VSIR: variants seen among roughly 807,000 people sequenced by gnomAD.
The protein encoded by VSIR is V-set immunoregulatory receptor, also known as V-type immunoglobulin domain-containing suppressor of T-cell activation.
Under a neutral mutation model 31.0 loss-of-function variants are expected in VSIR, and 10 were observed. The observed-to-expected ratio is 0.32, with a 90% CI of 0.20 to 0.55. VSIR has a LOEUF of 0.55. Among genes scored for constraint, VSIR ranks in the 20% least tolerant of loss-of-function variants. VSIR has a pLI of 0.93. For synonymous variants in VSIR, 179 were observed against 180.1 expected, an observed-to-expected ratio of 0.99 and a Z score of 0.05; for missense variants, 356 against 416.2, an observed-to-expected ratio of 0.86 and a Z score of 1.26.
intron 3 of VSIR, 114 bp downstream of exon 3, chr10:71,760,753 CG>C (rs903851627): frequency 1.2e-5 from 11 of 927,328 alleles, no homozygotes; most frequent in East Asian, 2.4e-5. Context: ...GGAGGAGGAC[CG>C]GGGGGTTCTG....
Position 71,755,443 on chromosome 10 carries a change from T to C in VSIR, c.592A>G (p.Thr198Ala), listed in dbSNP as rs1466694118. Residue 198 changes from threonine to alanine, a missense_variant, in exon 4 of 7, where the codon ACG becomes GCG. Transcript: ENST00000394957. ...AGGATTCCTACGATGCAGGCACCCGTAGCCAGGGCTGCAGCCGTGATGTCT... is the reference window on the plus strand; with the variant it reads ...AGGATTCCTACGATGCAGGCACCCGCAGCCAGGGCTGCAGCCGTGATGTCT... ...SENITAAALA[T>A]GACIVGILCL... is the part of the protein sequence containing the mutation. 6.2e-7 allele frequency: 1 copy of C among 1,612,878 alleles called. No individual in the cohort carries two copies. The highest frequency in any genetic ancestry group is 1.3e-5 in the African/African-American group (1 of 75,018).
At chr10:71,765,980 G>A (rs1564783569) in intron 1 of VSIR, among the ~76,000 whole-genome samples, 1 of 152,108 alleles carries the variant, frequency 6.6e-6, no homozygotes, top group Non-Finnish European at 1.5e-5. Context: ...CTGGGACAAG[G>A]CCCACAGCAG....
rs750256328 is a variant in VSIR, at chr10:71,761,820, G to GGTCCTGGAACGT, written c.277_288dup (p.Thr93_Asp96dup). On this transcript the variant is annotated inframe_insertion, in exon 2 of 7. Coordinates refer to ENST00000394957, the MANE Select transcript of VSIR (RefSeq NM_022153.2). ...TGGTGGCCTCCATGGTGCAGGTGAA[G>GGTCCTGGAACGT]GTCCTGGAACGTGAGGTTGCGGATG... 3.3e-5 allele frequency: 53 copies of GGTCCTGGAACGT among 1,614,046 alleles called. No homozygotes were observed. The highest frequency in any genetic ancestry group is 1.0e-4 in the Admixed American group (6 of 60,010).
rs1839888335 is a variant in VSIR, at chr10:71,747,792, A to T, written c.*3461T>A. ...TCCCTCTCCCGTGCCCAAGGCAGACATGGCTATCTATCTCGGCACTGTCTC... is the reference window on the plus strand; with the variant it reads ...TCCCTCTCCCGTGCCCAAGGCAGACTTGGCTATCTATCTCGGCACTGTCTC... On this transcript the variant is annotated 3_prime_UTR_variant, in exon 7 of 7. Coordinates refer to ENST00000394957, the MANE Select transcript of VSIR (RefSeq NM_022153.2). The T allele has an allele frequency of 6.6e-6, 1 of 152,292 alleles. No homozygotes were observed. Among genetic ancestry groups the T allele is most frequent in the African/African-American group, 2.4e-5 (1 of 41,474 alleles). 9.4% of individuals were successfully genotyped at this position (152,292 alleles called of 1,614,324 possible).
intron 1 of VSIR, among the ~76,000 whole-genome samples, chr10:71,767,955 C>T (rs556853163): frequency 1.3e-5 from 2 of 152,278 alleles, no homozygotes; most frequent in Admixed American, 6.5e-5. Context: ...GGTCCCGGCC[C>T]GTGGATGCTT....
intron 1 of VSIR, among the ~76,000 whole-genome samples, chr10:71,770,375 A>G (rs1840659012): frequency 6.6e-6 from 1 of 152,246 alleles, no homozygotes; most frequent in Non-Finnish European, 1.5e-5. Flanking sequence ...GTAAATGGCC[A>G]TCTTGGGATT....
At chr10:71,754,011 T>A (rs1840071267) in intron 4 of VSIR, among the ~76,000 whole-genome samples, 1 of 152,182 alleles carries the variant, frequency 6.6e-6, no homozygotes, top group South Asian at 2.1e-4. Flanking sequence ...AATCCACACC[T>A]GTTGGCCTCT....
chr10:71,763,699 G>A (rs941539127), intron 1 of VSIR, among the ~76,000 whole-genome samples: 3 of 152,238 alleles, frequency 2.0e-5, no homozygotes, highest in African/African-American at 2.4e-5. Context: ...TTGAGGCAAC[G>A]GTTAGTAATA....
In VSIR at chr10:71,750,218, C is replaced by A. The variant is rs1839960059; in HGVS notation, c.*1035G>T. On this transcript the variant is annotated 3_prime_UTR_variant, in exon 7 of 7. Coordinates refer to ENST00000394957, the MANE Select transcript of VSIR (RefSeq NM_022153.2). ...GCCGAATGGCTCTGAAGCGAAGACTCCACCAGGCCCAGATTGTATGGAGTG... is the reference window on the plus strand; with the variant it reads ...GCCGAATGGCTCTGAAGCGAAGACTACACCAGGCCCAGATTGTATGGAGTG... 1 of 152,264 alleles carries A rather than the reference C, an allele frequency of 6.6e-6. No homozygotes were observed. The highest frequency in any genetic ancestry group is 2.1e-4 in the South Asian group (1 of 4,838). 9.4% of individuals were successfully genotyped at this position (152,264 alleles called of 1,614,324 possible). A position where few individuals can be genotyped will look rare whatever the true frequency, so the allele number is the denominator to read the frequency against.
At chr10:71,760,040 T>TATATATACACACACAC in intron 3 of VSIR, among the ~76,000 whole-genome samples, 1 of 99,750 alleles carries the variant, frequency 1.0e-5, no homozygotes, top group South Asian at 3.4e-4. Context: ...CACACACACA[T>TATATATACACACACAC]ATATACACAC....
At chr10:71,755,066 A>G in intron 4 of VSIR, 1 of 559,326 alleles carries the variant, frequency 1.8e-6, no homozygotes, top group Non-Finnish European at 3.4e-6. Context: ...TGCTTTTATA[A>G]AGCAACTTGA....
intron 3 of VSIR, among the ~76,000 whole-genome samples, chr10:71,756,153 C>G (rs1338977892): frequency 6.6e-6 from 1 of 151,842 alleles, no homozygotes; most frequent in Non-Finnish European, 1.5e-5. Flanking sequence ...ATTAAACTAC[C>G]AAAAAAAGTA....
chr10:71,757,363 C>T (rs1452409819), intron 3 of VSIR, among the ~76,000 whole-genome samples: 2 of 152,200 alleles, frequency 1.3e-5, no homozygotes, highest in Non-Finnish European at 2.9e-5. Context: ...CTTAATTTCA[C>T]TTTGAGAGCC....
intron 1 of VSIR, among the ~76,000 whole-genome samples, chr10:71,767,590 CTA>C (rs1341357908): frequency 2.0e-5 from 3 of 152,176 alleles, no homozygotes; most frequent in African/African-American, 7.2e-5. Flanking sequence ...TAGGAAAAGA[CTA>C]TGTTCTGTCT....
intron 2 of VSIR, 134 bp downstream of exon 2, chr10:71,761,464 C>T: frequency 9.1e-7 from 1 of 1,100,350 alleles, no homozygotes; most frequent in Non-Finnish European, 1.3e-6. Context: ...CCCCATCTCA[C>T]CCACACACTC....
At chr10:71,755,150 G>A in intron 4 of VSIR, 1 of 660,112 alleles carries the variant, frequency 1.5e-6, no homozygotes, top group South Asian at 1.5e-5. Context: ...AGCCAAAGGG[G>A]CTGGTGGGCA....
rs1331125323 is a variant in VSIR, at chr10:71,748,438, C to G, written c.*2815G>C. ...TGGTGTGTTTTTAGGGAGTGCTGAG[C>G]AGTCCCCGCTGTGTCAGCAAAACCC... On this transcript the variant is annotated 3_prime_UTR_variant, in exon 7 of 7. Coordinates refer to ENST00000394957, the MANE Select transcript of VSIR (RefSeq NM_022153.2). 1.3e-5 allele frequency: 2 copies of G among 152,258 alleles called. No individual in the cohort carries two copies. The highest frequency in any genetic ancestry group is 2.4e-5 in the African/African-American group (1 of 41,436). 9.4% of individuals were successfully genotyped at this position (152,258 alleles called of 1,614,324 possible).
At chr10:71,759,589 C>T (rs1352078400) in intron 3 of VSIR, among the ~76,000 whole-genome samples, 1 of 151,530 alleles carries the variant, frequency 6.6e-6, no homozygotes, top group Non-Finnish European at 1.5e-5. Context: ...GCAGTTAGAT[C>T]ATTTGTCAGT....
intron 2 of VSIR, among the ~76,000 whole-genome samples, chr10:71,761,335 C>A (rs1840378187): frequency 1.3e-5 from 2 of 152,200 alleles, no homozygotes; most frequent in Admixed American, 1.3e-4. Context: ...ACACTCCCAG[C>A]CCAGGTACCT....
Sources: gnomAD v4.1 joint callset for allele counts (sites outside exome capture counted in the v4.1 genomes callset) on GRCh38, gnomAD v4.1.1 for gene constraint, MANE v1.5 for transcripts, NCBI Gene and HGNC (gene_info 2026-07-23, HGNC 2026-07-21) for gene names.